The following SLIT3 variants were observed in gnomAD, a reference collection of about 807,000 sequenced individuals.
SLIT3 encodes slit homolog 3 protein.
Under a neutral mutation model 184.0 loss-of-function variants are expected in SLIT3, and 68 were observed. That is an observed-to-expected ratio of 0.37 (90% CI 0.30 to 0.45). The LOEUF is 0.45. SLIT3 is among the 20% of genes least tolerant of loss of function. The pLI is 1.00. For missense variants in SLIT3, 1,707 were observed against 2,026.0 expected (o/e 0.84, Z 3.02); for synonymous variants, 831 against 828.6 (o/e 1.00, Z -0.05).
intron 4 of SLIT3, among the ~76,000 whole-genome samples, chr5:169,060,517 A>G (rs1758142368): frequency 6.6e-6 from 1 of 152,244 alleles, no homozygotes; most frequent in Admixed American, 6.5e-5. Flanking sequence ...TAACCTGCAC[A>G]GCACTGTGGG....
intron 4 of SLIT3, among the ~76,000 whole-genome samples, chr5:168,942,026 G>A (rs1016923378): frequency 1.3e-5 from 2 of 152,128 alleles, no homozygotes; most frequent in East Asian, 3.9e-4. Flanking sequence ...TGCTGTTCGG[G>A]ATGAAAGGGA....
chr5:168,889,330 G>T (rs1760348155), intron 4 of SLIT3, among the ~76,000 whole-genome samples: 1 of 152,148 alleles, frequency 6.6e-6, no homozygotes, highest in African/African-American at 2.4e-5. Context: ...CCTCCAGCTG[G>T]GTGTCTAGTC....
chr5:168,754,283 T>A (rs1291464745), intron 16 of SLIT3, among the ~76,000 whole-genome samples: 4 of 152,198 alleles, frequency 2.6e-5, no homozygotes, highest in Non-Finnish European at 5.9e-5. Context: ...GGTGTATATA[T>A]GCACAATGGA....
At chr5:169,035,971 G>A (rs1217764934) in intron 4 of SLIT3, among the ~76,000 whole-genome samples, 2 of 152,036 alleles carry the variant, frequency 1.3e-5, no homozygotes, top group Non-Finnish European at 2.9e-5. Context: ...TTTTACAGAC[G>A]AGCACATTTT....
chr5:168,862,566 G>T (rs902947193), intron 5 of SLIT3, among the ~76,000 whole-genome samples: 1 of 151,862 alleles, frequency 6.6e-6, no homozygotes. Context: ...ATTGCTTTGG[G>T]TTGAATCACC....
At chr5:168,856,813 G>A (rs940819464) in intron 5 of SLIT3, among the ~76,000 whole-genome samples, 5 of 151,220 alleles carry the variant, frequency 3.3e-5, no homozygotes, top group South Asian at 2.1e-4. Context: ...GTGTGCGCGC[G>A]CGCGCACGCC....
intron 4 of SLIT3, among the ~76,000 whole-genome samples, chr5:168,937,757 T>C (rs1562016166): frequency 6.6e-6 from 1 of 152,166 alleles, no homozygotes; most frequent in Non-Finnish European, 1.5e-5. Flanking sequence ...TTTTCTTTTC[T>C]GAATAATGGG....
intron 31 of SLIT3, among the ~76,000 whole-genome samples, chr5:168,685,303 G>T (rs924580599): frequency 2.0e-5 from 3 of 152,226 alleles, no homozygotes; most frequent in Non-Finnish European, 4.4e-5. Context: ...AAGGTTGAAA[G>T]TTGCTGGTTT....
At chr5:168,973,617 C>A (rs181201343) in intron 4 of SLIT3, among the ~76,000 whole-genome samples, 135 of 152,304 alleles carry the variant, frequency 8.9e-4, no homozygotes, top group African/African-American at 3.0e-3. Context: ...ATTTAAAGGA[C>A]AGAATTCAGT....
chr5:169,016,124 T>G (rs909698284), intron 4 of SLIT3, among the ~76,000 whole-genome samples: 5 of 152,180 alleles, frequency 3.3e-5, no homozygotes, highest in African/African-American at 1.2e-4. Context: ...AATTAGGAAT[T>G]TTCTTCACAA....
chr5:168,764,572 C>T (rs1050269320), intron 14 of SLIT3, among the ~76,000 whole-genome samples: 9 of 152,176 alleles, frequency 5.9e-5, no homozygotes, highest in African/African-American at 2.2e-4. Context: ...GCAGATCTCT[C>T]CCACCCTCTT....
chr5:168,707,562 G>T (rs1762410400), intron 26 of SLIT3: 1 of 169,370 alleles, frequency 5.9e-6, no homozygotes, highest in South Asian at 1.6e-4. Flanking sequence ...TTTCAAGGCT[G>T]GTTGCTCTGA....
chr5:169,106,964 AG>A (rs1317250579), intron 4 of SLIT3, among the ~76,000 whole-genome samples: 1 of 152,246 alleles, frequency 6.6e-6, no homozygotes, highest in East Asian at 1.9e-4. Context: ...GACAAGCTGC[AG>A]GAGCAGGTGA....
At chr5:168,985,686 T>G (rs1418730022) in intron 4 of SLIT3, among the ~76,000 whole-genome samples, 7 of 152,196 alleles carry the variant, frequency 4.6e-5, no homozygotes, top group African/African-American at 1.4e-4. Context: ...GGAGCAGATG[T>G]GCTCACAGGA....
intron 1 of SLIT3, among the ~76,000 whole-genome samples, chr5:169,288,374 TG>T (rs1423133489): frequency 2.0e-5 from 3 of 152,134 alleles, no homozygotes; most frequent in Non-Finnish European, 4.4e-5. Context: ...TAATTCCACT[TG>T]TACTATTTTT....
chr5:169,244,210 G>A (rs1215474319), intron 3 of SLIT3, among the ~76,000 whole-genome samples: 1 of 152,246 alleles, frequency 6.6e-6, no homozygotes, highest in East Asian at 1.9e-4. Context: ...ACTCACAGGA[G>A]ATACAAGCGC....
intron 6 of SLIT3, among the ~76,000 whole-genome samples, chr5:168,844,289 G>A (rs964838463): frequency 2.9e-4 from 44 of 152,266 alleles, no homozygotes; most frequent in African/African-American, 7.9e-4. Flanking sequence ...TCCCAGCAAC[G>A]AATGCTGCAG....
intron 27 of SLIT3, among the ~76,000 whole-genome samples, chr5:168,698,834 T>C (rs1240116978): frequency 6.6e-6 from 1 of 152,192 alleles, no homozygotes; most frequent in Non-Finnish European, 1.5e-5. Context: ...ATCCTGTAGA[T>C]CTGGGCCCTT....
chr5:169,158,042 G>T lies in SLIT3; in HGVS notation c.413+35437C>A, dbSNP rs1455727127. Among the ~76,000 whole-genome samples, 2 of 151,196 alleles carry T rather than the reference G, an allele frequency of 1.3e-5. 1 individual carries two copies. Among genetic ancestry groups the T allele is most frequent in the Non-Finnish European group, 2.9e-5 (2 of 67,846 alleles). ...CAAAAAGAAGAGGGAGAGAAAGGAT[G>T]GGGCTTAAAAAATACATGAAGAAAT... On this transcript the variant is annotated intron_variant, in intron 4 of 35. Coordinates refer to ENST00000519560, the MANE Select transcript of SLIT3 (RefSeq NM_003062.4).
Sources: gnomAD v4.1 joint callset for allele counts (sites outside exome capture counted in the v4.1 genomes callset) on GRCh38, gnomAD v4.1.1 for gene constraint, MANE v1.5 for transcripts, NCBI Gene and HGNC (gene_info 2026-07-23, HGNC 2026-07-21) for gene names.